Variants in ASTN2 observed in about 807,000 individuals in gnomAD.
ASTN2 encodes the protein astrotactin-2.
In ASTN2, 54 loss-of-function variants were observed where a neutral mutation model predicts 139.8. The observed-to-expected ratio is 0.39, with a 90% confidence interval of 0.31 to 0.48. ASTN2 has a LOEUF of 0.48. ASTN2 is among the 20% of genes least tolerant of loss of function. The pLI is 0.95. For missense variants in ASTN2, 1,565 were observed against 1,725.1 expected (o/e 0.91, Z 1.64); for synonymous variants, 756 against 719.5 (o/e 1.05, Z -0.81).
chr9:117,218,202 A>C (rs2133031204), intron 2 of ASTN2, among the ~76,000 whole-genome samples: 1 of 152,318 alleles, frequency 6.6e-6, no homozygotes, highest in Non-Finnish European at 1.5e-5. Context: ...CTGGTTTGGG[A>C]GGCACTGAGC....
chr9:116,812,325 T>G (rs1488999579), intron 12 of ASTN2, among the ~76,000 whole-genome samples: 1 of 152,180 alleles, frequency 6.6e-6, no homozygotes, highest in East Asian at 1.9e-4. Flanking sequence ...CCTGGATTAC[T>G]TGGGTGATCT....
chr9:117,393,461 A>C (rs1830596310), intron 1 of ASTN2, among the ~76,000 whole-genome samples: 1 of 152,124 alleles, frequency 6.6e-6, no homozygotes, highest in African/African-American at 2.4e-5. Context: ...CAGAAAAGAG[A>C]AGAAATTTAA....
intron 7 of ASTN2, among the ~76,000 whole-genome samples, chr9:117,002,157 G>A (rs1837210194): frequency 6.6e-6 from 1 of 152,136 alleles, no homozygotes; most frequent in African/African-American, 2.4e-5. Flanking sequence ...AAAGAATATA[G>A]GAATAAATAT....
At chr9:117,253,947 C>T (rs969721794) in intron 2 of ASTN2, among the ~76,000 whole-genome samples, 8 of 152,172 alleles carry the variant, frequency 5.3e-5, no homozygotes, top group Admixed American at 2.6e-4. Context: ...ACCAGGAAGC[C>T]TTTCTGAGTC....
At position 117,291,394 on chromosome 9, in the gene ASTN2, C is replaced by T. The variant is rs774014251; in HGVS notation, c.562G>A (p.Ala188Thr). ...TCCGAGGGCTCCTGGAGAGTGGGGG[C>T]GGTGGCTTGGGCCAGCTGCCCGGAG... ...SSSGQLAQAT[A>T]PTLQEPSEIV... The change falls in exon 2 of 23, where the codon GCC (alanine) becomes ACC (threonine). Residue 188 changes from alanine (A) to threonine (T), a missense_variant. By Grantham distance (58) the Ala-to-Thr change is moderately conservative (BLOSUM62 0). Transcript: ENST00000313400. 4.3e-5 allele frequency: 70 copies of T among 1,614,074 alleles called. No homozygotes were observed. The highest frequency in any genetic ancestry group is 2.4e-4 in the African/African-American group (18 of 74,946).
At chr9:117,318,463 C>T (rs1381850455) in intron 1 of ASTN2, among the ~76,000 whole-genome samples, 2 of 152,146 alleles carry the variant, frequency 1.3e-5, no homozygotes, top group South Asian at 2.1e-4. Context: ...TAATCTTAGG[C>T]TTTTCTTCTT....
rs578091108 is a variant in ASTN2 at position 117,021,770 on chromosome 9, G to A, written c.1424-13511C>T. On this transcript the variant is annotated intron_variant, in intron 6 of 22. Coordinates refer to ENST00000313400, the MANE Select transcript of ASTN2 (RefSeq NM_001365068.1). ...CACAGGAATGTGGGAGGTAATACAT[G>A]TAAATTAAATTTCCCTTGTTTCAGA... 7.2e-5 allele frequency among the ~76,000 whole-genome samples: 11 copies of A among 152,234 alleles called. No individual in the cohort carries two copies. The South Asian group carries it at 2.3e-3, about 32-fold the overall frequency.
chr9:117,319,857 A>G (rs1444947514), intron 1 of ASTN2, among the ~76,000 whole-genome samples: 5 of 152,116 alleles, frequency 3.3e-5, no homozygotes, highest in Non-Finnish European at 4.4e-5. Context: ...AATTCCCAAA[A>G]CCCATCAAGA....
chr9:117,074,639 G>T (rs897161231), intron 5 of ASTN2, among the ~76,000 whole-genome samples: 1 of 152,178 alleles, frequency 6.6e-6, no homozygotes, highest in Admixed American at 6.5e-5. Flanking sequence ...AATCGTTGGG[G>T]TGGAAGTGGC....
rs547826832 is a variant in ASTN2 at position 117,001,477 on chromosome 9, G to A, written c.1591+6615C>T. ...GAGAACAGATGTTCTCAAAGTCTTT[G>A]GATCCTTACCTTTTAATGACCTCTC... On this transcript the variant is annotated intron_variant, in intron 7 of 22. Transcript: ENST00000313400. Among the ~76,000 whole-genome samples the A allele has an allele frequency of 1.1e-4, 16 of 152,058 alleles. 1 individual carries two copies. Among genetic ancestry groups the A allele is most frequent in the African/African-American group, 3.9e-4 (16 of 41,512 alleles).
At chr9:116,844,845 C>T (rs1345986269) in intron 11 of ASTN2, among the ~76,000 whole-genome samples, 2 of 152,202 alleles carry the variant, frequency 1.3e-5, no homozygotes, top group South Asian at 4.1e-4. Flanking sequence ...GCCTTCAACA[C>T]ACACTTACTG....
At chr9:117,397,287 G>A (rs550367001) in intron 1 of ASTN2, among the ~76,000 whole-genome samples, 1 of 152,218 alleles carries the variant, frequency 6.6e-6, no homozygotes, top group Admixed American at 6.5e-5. Flanking sequence ...AAAACTTAAT[G>A]AAATATTCTG....
intron 1 of ASTN2, among the ~76,000 whole-genome samples, chr9:117,346,574 C>T (rs955864767): frequency 1.3e-5 from 2 of 152,068 alleles, no homozygotes; most frequent in African/African-American, 2.4e-5. Flanking sequence ...AAATTGATAC[C>T]AAATCAAGGA....
At chr9:117,046,611 G>A (rs1421840394) in intron 5 of ASTN2, among the ~76,000 whole-genome samples, 4 of 152,122 alleles carry the variant, frequency 2.6e-5, no homozygotes, top group Non-Finnish European at 5.9e-5. Flanking sequence ...ATGTGATACT[G>A]TTGCTCATGC....
At chr9:116,936,423 C>G (rs1329600658) in intron 10 of ASTN2, among the ~76,000 whole-genome samples, 1 of 152,132 alleles carries the variant, frequency 6.6e-6, no homozygotes, top group Non-Finnish European at 1.5e-5. Context: ...GTGCCAAGCA[C>G]TTTACATGCA....
At chr9:116,718,504 G>A (rs759285223) in intron 16 of ASTN2, among the ~76,000 whole-genome samples, 1 of 152,142 alleles carries the variant, frequency 6.6e-6, no homozygotes. Flanking sequence ...GCGTTAACTT[G>A]GCTGGGTTAT....
chr9:117,321,014 T>C (rs896238146), intron 1 of ASTN2, among the ~76,000 whole-genome samples: 1 of 152,196 alleles, frequency 6.6e-6, no homozygotes, highest in African/African-American at 2.4e-5. Context: ...GCCCATCTCC[T>C]CCACAACTCT....
intron 19 of ASTN2, chr9:116,568,480 A>G (rs990583948): frequency 1.3e-5 from 2 of 152,318 alleles, no homozygotes; most frequent in East Asian, 3.9e-4. Flanking sequence ...TCAGAACCTG[A>G]ATCGGTAGCC....
chr9:117,293,914 G>A (rs1170489363), intron 1 of ASTN2, among the ~76,000 whole-genome samples: 1 of 152,238 alleles, frequency 6.6e-6, no homozygotes, highest in Non-Finnish European at 1.5e-5. Flanking sequence ...CGTGCTGAGA[G>A]TCCCTGGAAT....
Sources: gnomAD v4.1 joint callset for allele counts (sites outside exome capture counted in the v4.1 genomes callset) on GRCh38, gnomAD v4.1.1 for gene constraint, MANE v1.5 for transcripts, NCBI Gene and HGNC (gene_info 2026-07-23, HGNC 2026-07-21) for gene names.